Variants in RAB31 observed in about 807,000 individuals in gnomAD.
The protein encoded by RAB31 is ras-related protein Rab-31.
Under a neutral mutation model 25.6 loss-of-function variants are expected in RAB31, and 21 were observed. That is an observed-to-expected ratio of 0.82 (90% CI 0.58 to 1.18). RAB31 has a LOEUF of 1.18. Among genes scored for constraint, RAB31 ranks in the 50% most tolerant of loss-of-function variants. RAB31 has a pLI of 0.00. For missense variants in RAB31, 196 were observed against 250.1 expected (o/e 0.78, Z 1.46); for synonymous variants, 87 against 84.0 (o/e 1.04, Z -0.20).
chr18:9,769,674 C>CT (rs2068334207), intron 1 of RAB31, among the ~76,000 whole-genome samples: 1 of 152,138 alleles, frequency 6.6e-6, no homozygotes, highest in African/African-American at 2.4e-5. Context: ...TTTGAATACC[C>CT]TTTTTTTCTT....
At chr18:9,853,111 A>G (rs1397316863) in intron 6 of RAB31, among the ~76,000 whole-genome samples, 1 of 152,136 alleles carries the variant, frequency 6.6e-6, no homozygotes. Context: ...GGTTACTTAT[A>G]TATTTTGGAT....
At chr18:9,746,022 CA>C (rs1280960737) in intron 1 of RAB31, among the ~76,000 whole-genome samples, 1 of 152,150 alleles carries the variant, frequency 6.6e-6, no homozygotes, top group Non-Finnish European at 1.5e-5. Flanking sequence ...TAGAAAATTT[CA>C]AAGAATTCAC....
intron 5 of RAB31, among the ~76,000 whole-genome samples, chr18:9,838,575 C>T (rs2068716315): frequency 6.6e-6 from 1 of 152,230 alleles, no homozygotes; most frequent in South Asian, 2.1e-4. Flanking sequence ...TTAACCAGCT[C>T]TGAAATTAGA....
intron 3 of RAB31, among the ~76,000 whole-genome samples, chr18:9,807,926 CGTGG>C: frequency 6.6e-6 from 1 of 152,156 alleles, no homozygotes; most frequent in East Asian, 1.9e-4. Context: ...TGCAGTGAGC[CGTGG>C]TGGCACCACT....
intron 2 of RAB31, among the ~76,000 whole-genome samples, chr18:9,779,385 C>T (rs144758946): frequency 8.8e-4 from 134 of 152,254 alleles, no homozygotes; most frequent in African/African-American, 3.1e-3. Flanking sequence ...AAACATATTT[C>T]TTATAAGTAC....
At chr18:9,738,819 G>C (rs941345654) in intron 1 of RAB31, among the ~76,000 whole-genome samples, 1 of 152,184 alleles carries the variant, frequency 6.6e-6, no homozygotes, top group Admixed American at 6.5e-5. Flanking sequence ...TCTGGAGTAG[G>C]AGGAGGCAGC....
At chr18:9,743,108 G>C (rs2068188378) in intron 1 of RAB31, among the ~76,000 whole-genome samples, 1 of 152,130 alleles carries the variant, frequency 6.6e-6, no homozygotes, top group African/African-American at 2.4e-5. Flanking sequence ...ATGCGGCAAA[G>C]CTTTAAGAAT....
intron 5 of RAB31, among the ~76,000 whole-genome samples, chr18:9,828,581 T>C (rs2068661996): frequency 6.6e-6 from 1 of 152,206 alleles, no homozygotes; most frequent in South Asian, 2.1e-4. Flanking sequence ...TTGGATAAAG[T>C]TGTGGTTTTT....
At chr18:9,782,465 C>G (rs566323375) in intron 2 of RAB31, among the ~76,000 whole-genome samples, 30 of 152,234 alleles carry the variant, frequency 2.0e-4, no homozygotes, top group Non-Finnish European at 4.0e-4. Context: ...TATGGCCTCT[C>G]TGACTCACAC....
At chr18:9,725,175 C>T (rs937733019) in intron 1 of RAB31, among the ~76,000 whole-genome samples, 1 of 152,086 alleles carries the variant, frequency 6.6e-6, no homozygotes, top group African/African-American at 2.4e-5. Context: ...CTTCTTCTGA[C>T]CTAGCCTCAC....
At chr18:9,763,937 G>T (rs2068301539) in intron 1 of RAB31, among the ~76,000 whole-genome samples, 1 of 152,078 alleles carries the variant, frequency 6.6e-6, no homozygotes, top group Admixed American at 6.5e-5. Flanking sequence ...TCTACTAAAG[G>T]CCTGGAGTTG....
intron 6 of RAB31, among the ~76,000 whole-genome samples, chr18:9,853,781 G>A (rs1382945491): frequency 3.3e-5 from 5 of 151,918 alleles, no homozygotes; most frequent in Admixed American, 6.6e-5. Flanking sequence ...TGAAGATGAG[G>A]AGAGGAAGGT....
At chr18:9,844,919 A>G (rs2143134035) in intron 5 of RAB31, 1 of 152,386 alleles carries the variant, frequency 6.6e-6, no homozygotes, top group Admixed American at 6.5e-5. Context: ...GCTGGAGTGC[A>G]GTGGTGTAAT....
In RAB31 at chr18:9,708,348, C is replaced by T; in HGVS notation, c.-58C>T. Reference sequence around the variant, plus strand: ...AGAGGCGAGAGACGCCGGCGGGGCGCGGGCGCGGCGGCCCCGGAGGATGCT... The same window carrying T: ...AGAGGCGAGAGACGCCGGCGGGGCGTGGGCGCGGCGGCCCCGGAGGATGCT... On this transcript the variant is annotated 5_prime_UTR_variant, in exon 1 of 7. Transcript: ENST00000578921. This position sits in a 1 kb window ranked among gnomAD's most constrained non-coding sequence, Gnocchi z 6.4. The T allele has an allele frequency of 1.5e-6, 2 of 1,367,384 alleles. No individual in the cohort carries two copies. The highest frequency in any genetic ancestry group is 1.9e-6 in the Non-Finnish European group (2 of 1,030,850). 84.7% of individuals were successfully genotyped at this position (1,367,384 alleles called of 1,614,324 possible).
At chr18:9,716,364 G>A (rs538402252) in intron 1 of RAB31, among the ~76,000 whole-genome samples, 1 of 152,210 alleles carries the variant, frequency 6.6e-6, no homozygotes, top group African/African-American at 2.4e-5. Flanking sequence ...TTATCTCTGT[G>A]GCATTTATTT....
chr18:9,813,815 G>T (rs535714516), intron 3 of RAB31, among the ~76,000 whole-genome samples: 1 of 152,162 alleles, frequency 6.6e-6, no homozygotes, highest in South Asian at 2.1e-4. Context: ...TTATGCCATT[G>T]CACTCTAGCC....
intron 1 of RAB31, among the ~76,000 whole-genome samples, chr18:9,772,736 C>T (rs1404729680): frequency 6.6e-6 from 1 of 152,144 alleles, no homozygotes; most frequent in Non-Finnish European, 1.5e-5. Flanking sequence ...AATCAGCTGG[C>T]CTCATGAAAG....
chr18:9,822,095 A>G (rs2068627107), intron 5 of RAB31, among the ~76,000 whole-genome samples: 1 of 152,200 alleles, frequency 6.6e-6, no homozygotes, highest in African/African-American at 2.4e-5. Flanking sequence ...ACAGTATGGT[A>G]TTGGCAGTGA....
chr18:9,798,481 C>T (rs887143663), intron 3 of RAB31, among the ~76,000 whole-genome samples: 1 of 152,090 alleles, frequency 6.6e-6, no homozygotes, highest in Non-Finnish European at 1.5e-5. Flanking sequence ...TTATTGGAGT[C>T]CCGTGAATTT....
Sources: allele counts gnomAD v4.1 joint callset (sites outside exome capture counted in the v4.1 genomes callset), GRCh38; gene constraint gnomAD v4.1.1; non-coding constraint Gnocchi (gnomAD v3.1); transcripts MANE v1.5; gene names NCBI Gene and HGNC (gene_info 2026-07-23, HGNC 2026-07-21).